The following EPHB1 variants were observed in gnomAD, a reference collection of about 807,000 sequenced individuals.
EPHB1 encodes the protein EPH receptor B1, also known as ephrin type-B receptor 1.
A neutral mutation model predicts 94.4 loss-of-function variants in EPHB1; 30 were observed. That is an observed-to-expected ratio of 0.32 (90% CI 0.24 to 0.43). The LOEUF is 0.43. EPHB1 is among the 20% of genes least tolerant of loss of function. The pLI, the probability that EPHB1 is intolerant of heterozygous loss-of-function variation, is 1.00. For missense variants in EPHB1, 1,055 were observed against 1,308.3 expected, an observed-to-expected ratio of 0.81 and a Z score of 2.99; for synonymous variants, 522 against 489.1, an observed-to-expected ratio of 1.07 and a Z score of -0.89.
intron 12 of EPHB1, among the ~76,000 whole-genome samples, chr3:135,227,593 T>C (rs1943431653): frequency 6.6e-6 from 1 of 152,166 alleles, no homozygotes; most frequent in African/African-American, 2.4e-5. Flanking sequence ...TTTTAAATGG[T>C]CATCTAGGTG....
chr3:134,974,237 T>C (rs7648054), intron 3 of EPHB1, among the ~76,000 whole-genome samples: 63,350 of 151,590 alleles, frequency 0.42, 14,143 homozygotes, highest in African/African-American at 0.57. Context: ...TACACACACA[T>C]GCGCACAAAC....
Position 135,201,548 on chromosome 3 carries a change from G to A in EPHB1, c.2205G>A (p.Leu735=), listed in dbSNP as rs377615063. ...LRGIAAGMKY[L]AEMNYVHRDL... The stretch of plus-strand genomic sequence containing the variant: ...GCATCGCTGCTGGCATGAAGTACCT[G>A]GCTGAGATGAATTATGTGCATCGGG... The change falls in exon 12 of 16, where the codon CTG becomes CTA. Residue 735 remains leucine (L), a synonymous_variant. Transcript: ENST00000398015. 1.9e-6 allele frequency: 3 copies of A among 1,614,010 alleles called. No individual in the cohort carries two copies. Among genetic ancestry groups the A allele is most frequent in the Non-Finnish European group, 2.5e-6 (3 of 1,180,014 alleles).
intron 1 of EPHB1, among the ~76,000 whole-genome samples, chr3:134,859,974 T>C (rs1460201190): frequency 6.6e-6 from 1 of 152,224 alleles, no homozygotes; most frequent in African/African-American, 2.4e-5. Flanking sequence ...GGCTGTATAA[T>C]ATTTAACTAT....
chr3:135,010,899 T>C (rs1367192778), intron 3 of EPHB1, among the ~76,000 whole-genome samples: 1 of 152,156 alleles, frequency 6.6e-6, no homozygotes, highest in Non-Finnish European at 1.5e-5. Flanking sequence ...CCAACCTCCA[T>C]GATGTCAGTA....
At chr3:134,936,770 T>C (rs1373972951) in intron 2 of EPHB1, among the ~76,000 whole-genome samples, 1 of 152,268 alleles carries the variant, frequency 6.6e-6, no homozygotes, top group Non-Finnish European at 1.5e-5. Context: ...TTCTGACTTA[T>C]CTGCTGATCA....
chr3:135,112,952 G>A (rs1939522097), intron 4 of EPHB1, among the ~76,000 whole-genome samples: 1 of 152,172 alleles, frequency 6.6e-6, no homozygotes, highest in Non-Finnish European at 1.5e-5. Flanking sequence ...CGCTGACCAG[G>A]GCTTTAGTGT....
intron 4 of EPHB1, among the ~76,000 whole-genome samples, chr3:135,128,088 GA>G (rs113066015): frequency 0.014 from 2,191 of 152,354 alleles, 46 homozygotes; most frequent in African/African-American, 0.043. Flanking sequence ...ATGTAATTAA[GA>G]AAAATGAGGA....
chr3:135,008,691 C>T (rs542799098), intron 3 of EPHB1, among the ~76,000 whole-genome samples: 97 of 152,206 alleles, frequency 6.4e-4, no homozygotes, highest in African/African-American at 1.5e-3. Context: ...AAGGGTGTCT[C>T]GTTGTGCTCT....
chr3:134,828,609 C>T (rs1299015365), intron 1 of EPHB1, among the ~76,000 whole-genome samples: 1 of 152,232 alleles, frequency 6.6e-6, no homozygotes, highest in Non-Finnish European at 1.5e-5. Context: ...GAAGACCCTA[C>T]CTGATGCTCT....
intron 1 of EPHB1, among the ~76,000 whole-genome samples, chr3:134,803,434 T>C (rs919379010): frequency 6.6e-6 from 1 of 152,142 alleles, no homozygotes; most frequent in African/African-American, 2.4e-5. Context: ...GGGGGCCATG[T>C]AAGCCTGAGG....
chr3:135,133,507 A>G (rs1940501271), intron 5 of EPHB1, among the ~76,000 whole-genome samples: 1 of 152,220 alleles, frequency 6.6e-6, no homozygotes, highest in Non-Finnish European at 1.5e-5. Flanking sequence ...CTTTGAGAAC[A>G]GGACGACAAA....
At chr3:135,135,117 C>A (rs1264097249) in intron 5 of EPHB1, among the ~76,000 whole-genome samples, 3 of 152,098 alleles carry the variant, frequency 2.0e-5, no homozygotes. Context: ...TCTTAATCAT[C>A]CCCGATTTTG....
chr3:135,246,669 C>A (rs954829470), intron 13 of EPHB1, among the ~76,000 whole-genome samples: 4 of 151,946 alleles, frequency 2.6e-5, no homozygotes, highest in African/African-American at 9.7e-5. Flanking sequence ...AAATGGTTGT[C>A]CTCAGAGGAT....
At chr3:134,986,554 CCATTTACG>C (rs1471879609) in intron 3 of EPHB1, among the ~76,000 whole-genome samples, 1 of 152,034 alleles carries the variant, frequency 6.6e-6, no homozygotes, top group African/African-American at 2.4e-5. Context: ...TGTCATGATC[CCATTTACG>C]CATCTGGAGG....
intron 12 of EPHB1, among the ~76,000 whole-genome samples, chr3:135,219,086 T>A (rs1943219725): frequency 6.6e-6 from 1 of 151,844 alleles, no homozygotes; most frequent in Non-Finnish European, 1.5e-5. Context: ...GCCCAAGAGA[T>A]ACTGAAAGAA....
At chr3:134,922,769 C>A (rs2107700631) in intron 1 of EPHB1, among the ~76,000 whole-genome samples, 1 of 152,296 alleles carries the variant, frequency 6.6e-6, no homozygotes. Flanking sequence ...AGAGCTTCAG[C>A]AGAGCCCCTC....
Position 135,110,358 on chromosome 3 carries a change from C to A in EPHB1, c.961+3755C>A, listed in dbSNP as rs543249798. ...TGTGTCCCTTGAGCCCACCAGCCGA[C>A]CCCTTAGATGAGGGACACAGTGCCT... On this transcript the variant is annotated intron_variant, in intron 4 of 15. Coordinates refer to ENST00000398015, the MANE Select transcript of EPHB1 (RefSeq NM_004441.5). 1.1e-4 allele frequency among the ~76,000 whole-genome samples: 17 copies of A among 152,276 alleles called. No homozygotes were observed. In the East Asian group the frequency reaches 2.5e-3, roughly 23 times the overall value.
chr3:134,868,027 C>T (rs1011484208), intron 1 of EPHB1, among the ~76,000 whole-genome samples: 3 of 152,122 alleles, frequency 2.0e-5, no homozygotes, highest in Non-Finnish European at 4.4e-5. Flanking sequence ...CTGATTCCAC[C>T]GCAGCCATGG....
chr3:135,255,136 A>T (rs1197301237), intron 15 of EPHB1, among the ~76,000 whole-genome samples: 3 of 151,536 alleles, frequency 2.0e-5, no homozygotes, highest in Non-Finnish European at 2.9e-5. Flanking sequence ...GCGGTCTATC[A>T]ATTTTGTTGA....
Sources: allele counts gnomAD v4.1 joint callset (sites outside exome capture counted in the v4.1 genomes callset), GRCh38; gene constraint gnomAD v4.1.1; transcripts MANE v1.5; gene names NCBI Gene and HGNC (gene_info 2026-07-23, HGNC 2026-07-21).